SH3BGRL: variants seen among roughly 807,000 people sequenced by gnomAD.
SH3BGRL encodes the protein adapter SH3BGRL.
A neutral mutation model predicts 9.8 loss-of-function variants in SH3BGRL; 7 were observed. The observed-to-expected ratio is 0.72, with a 90% CI of 0.41 to 1.35. The LOEUF is 1.35. Among genes scored for constraint, SH3BGRL ranks in the 40% most tolerant of loss-of-function variants. SH3BGRL has a pLI of 0.01. For synonymous variants in SH3BGRL, 36 were observed against 29.1 expected (o/e 1.24, Z -0.76); for missense variants, 73 against 84.4 (o/e 0.86, Z 0.53).
chrX:81,220,237 AG>A (rs1288452332), intron 1 of SH3BGRL, among the ~76,000 whole-genome samples: 1 of 111,390 alleles, frequency 9.0e-6, no homozygotes, highest in African/African-American at 3.3e-5. Context: ...TGAGCAGTGA[AG>A]CCCATCAGGT....
intron 2 of SH3BGRL, among the ~76,000 whole-genome samples, chrX:81,277,869 C>T (rs2075803328): frequency 8.9e-6 from 1 of 112,063 alleles, no homozygotes; most frequent in East Asian, 2.8e-4. Context: ...TTTATTACTC[C>T]TTATTCCTTC....
At chrX:81,278,536 G>C (rs2075805783) in intron 3 of SH3BGRL, 125 bp downstream of exon 3, 3 of 461,661 alleles carry the variant, frequency 6.5e-6, no homozygotes, top group African/African-American at 5.0e-5. Flanking sequence ...ATAGCAAAAA[G>C]TGCCTTCTCT....
At chrX:81,210,396 T>A (rs746725218) in intron 1 of SH3BGRL, among the ~76,000 whole-genome samples, 1 of 111,775 alleles carries the variant, frequency 8.9e-6, no homozygotes, top group South Asian at 3.7e-4. Flanking sequence ...GACAAGCATA[T>A]ATAATTACTT....
At chrX:81,271,803 G>A (rs1189569178) in intron 1 of SH3BGRL, among the ~76,000 whole-genome samples, 20 of 110,844 alleles carry the variant, frequency 1.8e-4, no homozygotes, top group African/African-American at 2.3e-4. Flanking sequence ...ATCAGATTAC[G>A]TTGCATTGTG....
At chrX:81,234,169 C>A (rs1221539915) in intron 1 of SH3BGRL, among the ~76,000 whole-genome samples, 1 of 111,592 alleles carries the variant, frequency 9.0e-6, no homozygotes, top group Non-Finnish European at 1.9e-5. Context: ...TTTATTGGCC[C>A]TTTCTAAATT....
At chrX:81,207,175 A>G (rs894130766) in intron 1 of SH3BGRL, among the ~76,000 whole-genome samples, 3 of 111,887 alleles carry the variant, frequency 2.7e-5, no homozygotes, top group Non-Finnish European at 5.6e-5. Context: ...CCCTATACAT[A>G]TTTCCCCAAG....
Position 81,236,900 on chromosome X carries a change from GGAGAGAGAGAGAGAGA to G in SH3BGRL, c.45+34670_45+34685del, listed in dbSNP as rs3051997. On this transcript the variant is annotated intron_variant, in intron 1 of 3. Coordinates refer to ENST00000373212, the MANE Select transcript of SH3BGRL (RefSeq NM_003022.3). ...GACGGAGGGAGAGAGAGAGGCTGAGGGAGAGAGAGAGAGAGAGAGAGAGAGAGAGACAGAATAGGAT... is the reference window on the plus strand; with the variant it reads ...GACGGAGGGAGAGAGAGAGGCTGAGGGAGAGAGAGAGAGACAGAATAGGAT... Among the ~76,000 whole-genome samples, 17 of 97,385 alleles carry G rather than the reference GGAGAGAGAGAGAGAGA, an allele frequency of 1.7e-4. No homozygotes were observed. The Admixed American group carries it at 1.8e-3, about 10-fold the overall frequency. The allele number at this position is 97,385 out of a possible 115,157, so 84.6% of individuals were successfully genotyped here.
chrX:81,285,693 G>T (rs1199350160), intron 3 of SH3BGRL, among the ~76,000 whole-genome samples: 1 of 111,743 alleles, frequency 8.9e-6, no homozygotes, highest in South Asian at 3.7e-4. Flanking sequence ...CTGAACTTTA[G>T]AAACTAGTTA....
At chrX:81,226,645 TG>T (rs1488836928) in intron 1 of SH3BGRL, among the ~76,000 whole-genome samples, 1 of 106,476 alleles carries the variant, frequency 9.4e-6, no homozygotes, top group Non-Finnish European at 1.9e-5. Context: ...ATATTTAAGG[TG>T]GGCCCTAAAT....
At chrX:81,236,018 C>CTGA (rs2147683125) in intron 1 of SH3BGRL, among the ~76,000 whole-genome samples, 1 of 111,730 alleles carries the variant, frequency 9.0e-6, no homozygotes, top group Admixed American at 9.5e-5. Flanking sequence ...AATTACTACC[C>CTGA]TGACCAATCT....
chrX:81,275,150 A>G (rs182800998), intron 1 of SH3BGRL, among the ~76,000 whole-genome samples: 1 of 111,647 alleles, frequency 9.0e-6, no homozygotes, highest in Non-Finnish European at 1.9e-5. Flanking sequence ...CTCAAAAAAT[A>G]ATTTATCTTA....
At chrX:81,236,628 A>G (rs1349078341) in intron 1 of SH3BGRL, among the ~76,000 whole-genome samples, 1 of 111,741 alleles carries the variant, frequency 8.9e-6, no homozygotes. Flanking sequence ...AAAAACATCA[A>G]GTAGCTATAT....
At chrX:81,213,056 A>G (rs2075570396) in intron 1 of SH3BGRL, among the ~76,000 whole-genome samples, 1 of 112,383 alleles carries the variant, frequency 8.9e-6, no homozygotes, top group African/African-American at 3.2e-5. Flanking sequence ...TAAACATTAT[A>G]TTGCTTAAAA....
intron 3 of SH3BGRL, 92 bp downstream of exon 3, chrX:81,278,503 A>G (rs2075805675): frequency 1.7e-6 from 1 of 575,915 alleles, no homozygotes. Context: ...TAAGTATTCA[A>G]ATTAAGTCAG....
intron 1 of SH3BGRL, among the ~76,000 whole-genome samples, chrX:81,211,230 T>G: frequency 8.9e-6 from 1 of 111,751 alleles, no homozygotes. Flanking sequence ...TCAACTTGAT[T>G]GGATTGAGGG....
At chrX:81,226,382 C>T (rs1047370177) in intron 1 of SH3BGRL, among the ~76,000 whole-genome samples, 7 of 107,771 alleles carry the variant, frequency 6.5e-5, no homozygotes, top group Middle Eastern at 4.8e-3. Flanking sequence ...ATATTTTATG[C>T]CCTTTACAAT....
chrX:81,284,833 A>G (rs12842780), intron 3 of SH3BGRL, among the ~76,000 whole-genome samples: 30,167 of 110,018 alleles, frequency 0.27, 4,025 homozygotes, highest in Non-Finnish European at 0.4. Context: ...TAAATAAAAA[A>G]CAGCTAAGCA....
At chrX:81,290,540 T>C (rs1316942080) in intron 3 of SH3BGRL, among the ~76,000 whole-genome samples, 1 of 110,600 alleles carries the variant, frequency 9.0e-6, no homozygotes, top group African/African-American at 3.3e-5. Flanking sequence ...ATTGAACTCA[T>C]GGAGATAGAG....
At chrX:81,268,521 G>A (rs1266100589) in intron 1 of SH3BGRL, among the ~76,000 whole-genome samples, 1 of 111,646 alleles carries the variant, frequency 9.0e-6, no homozygotes, top group Non-Finnish European at 1.9e-5. Flanking sequence ...CCATGTAGTT[G>A]TGCTGTTTAG....
Sources: gnomAD v4.1 joint callset for allele counts (sites outside exome capture counted in the v4.1 genomes callset) on GRCh38, gnomAD v4.1.1 for gene constraint, MANE v1.5 for transcripts, NCBI Gene and HGNC (gene_info 2026-07-23, HGNC 2026-07-21) for gene names.